Variants in ASPSCR1 observed in about 807,000 individuals in gnomAD.
ASPSCR1 encodes tether containing UBX domain for GLUT4.
ASPSCR1 carries 55 observed loss-of-function variants against 68.9 expected under a neutral mutation model. The observed-to-expected ratio is 0.80, with a 90% CI of 0.64 to 1.00. The LOEUF (loss-of-function observed/expected upper bound fraction) is 1.00, where lower values mean the gene tolerates loss of function less well. Among genes scored for constraint, ASPSCR1 ranks in the 50% least tolerant of loss-of-function variants. The pLI is 0.00. For missense variants in ASPSCR1, 765 were observed against 762.2 expected (o/e 1.00, Z -0.04); for synonymous variants, 352 against 332.6 (o/e 1.06, Z -0.63).
At position 81,987,691 on chromosome 17, in the gene ASPSCR1, A is replaced by G. The variant is rs762569501; in HGVS notation, c.374+2084A>G. Among the ~76,000 whole-genome samples, 30 of 152,128 alleles carry G rather than the reference A, an allele frequency of 2.0e-4. No homozygotes were observed. The highest frequency in any genetic ancestry group is 2.6e-4 in the Non-Finnish European group (18 of 68,032). ...TCGTGTGAAACTTAGTTTAAGAAACAACAGGCTTGGCCAGGCGTGGTGGTT... is the reference window on the plus strand; with the variant it reads ...TCGTGTGAAACTTAGTTTAAGAAACGACAGGCTTGGCCAGGCGTGGTGGTT... On this transcript the variant is annotated intron_variant, in intron 4 of 15. Transcript: ENST00000306739. This position sits in a 1 kb window ranked among gnomAD's most constrained non-coding sequence, Gnocchi z 5.6.
chr17:81,994,191 G>A (rs1243152527), intron 4 of ASPSCR1, among the ~76,000 whole-genome samples: 1 of 152,244 alleles, frequency 6.6e-6, no homozygotes, highest in Non-Finnish European at 1.5e-5. Context: ...ACCCATGCAC[G>A]GGTCCAGCTG....
chr17:81,977,686 G>A lies in ASPSCR1; in HGVS notation c.40G>A (p.Val14Met). Residue 14 changes from valine (V) to methionine (M), a missense_variant, in exon 1 of 16, where the codon GTG becomes ATG. Transcript: ENST00000306739. This position sits in a 1 kb window ranked among gnomAD's most constrained non-coding sequence, Gnocchi z 5.0. ...AGGCGGCGGAGGCTCCGCGGTGTCGGTGCTGGCCCCGAACGGCCGGCGCCA... is the reference window on the plus strand; with the variant it reads ...AGGCGGCGGAGGCTCCGCGGTGTCGATGCTGGCCCCGAACGGCCGGCGCCA... The part of the protein sequence containing the change: ...PAGGGGSAVS[V>M]LAPNGRRHTV... 1 of 1,384,772 alleles carries A rather than the reference G, an allele frequency of 7.2e-7. No homozygotes were observed. The highest frequency in any genetic ancestry group is 9.4e-7 in the Non-Finnish European group (1 of 1,063,222). 85.8% of individuals were successfully genotyped at this position (1,384,772 alleles called of 1,614,324 possible).
At chr17:82,003,881 G>A (rs2042618626) in intron 7 of ASPSCR1, among the ~76,000 whole-genome samples, 1 of 152,236 alleles carries the variant, frequency 6.6e-6, no homozygotes, top group Admixed American at 6.5e-5. Context: ...GGGAGGTTTG[G>A]CCCGTGTCTG....
chr17:82,011,521 A>G, intron 10 of ASPSCR1, 22 bp from the exon 11 acceptor site: 2 of 1,571,676 alleles, frequency 1.3e-6, no homozygotes, highest in African/African-American at 1.4e-5. Flanking sequence ...AGCTGTCTGT[A>G]TGTTCTTTTT....
chr17:82,015,589 G>A, intron 12 of ASPSCR1: 1 of 602,262 alleles, frequency 1.7e-6, no homozygotes, highest in Non-Finnish European at 2.9e-6. Flanking sequence ...TCGCCCGGCA[G>A]CAGGTGGGAT....
chr17:81,991,854 C>T (rs1475869583), intron 4 of ASPSCR1, among the ~76,000 whole-genome samples: 5 of 152,266 alleles, frequency 3.3e-5, no homozygotes, highest in African/African-American at 1.2e-4. Flanking sequence ...CTTTGTCATA[C>T]CCAGACAGGA....
chr17:81,997,253 G>A (rs1422446535), intron 7 of ASPSCR1, among the ~76,000 whole-genome samples: 3 of 152,100 alleles, frequency 2.0e-5, no homozygotes, highest in African/African-American at 7.2e-5. Flanking sequence ...AGCAGCTCAG[G>A]GCATGGCCGT....
Position 82,009,398 on chromosome 17 carries a change from C to T in ASPSCR1, c.1089-88C>T, listed in dbSNP as rs573153822. 3.5e-3 allele frequency: 4,951 copies of T among 1,419,156 alleles called. 8 individuals are homozygous for T. The highest frequency in any genetic ancestry group is 4.1e-3 in the Non-Finnish European group (4,371 of 1,053,396). 87.9% of individuals were successfully genotyped at this position (1,419,156 alleles called of 1,614,324 possible). On this transcript the variant is annotated intron_variant, in intron 8 of 15. Transcript: ENST00000306739. ...TGTGGGGAGAGCAGCCCACTCCCAC[C>T]CTGGAGGGTGCAGGTGAGGAGCCCG... is the stretch of plus-strand genomic sequence containing the variant.
intron 7 of ASPSCR1, chr17:82,007,455 G>C (rs2042757794): frequency 6.6e-6 from 1 of 152,300 alleles, no homozygotes; most frequent in African/African-American, 2.4e-5. Context: ...CCCTGGTGTG[G>C]GCTGTGGGCC....
chr17:81,981,912 C>T (rs1369131778), intron 2 of ASPSCR1, among the ~76,000 whole-genome samples: 4 of 152,172 alleles, frequency 2.6e-5, no homozygotes, highest in East Asian at 1.9e-4. Context: ...GTGATCCGCC[C>T]GTCTTGGCCT....
chr17:81,978,125 T>G, intron 1 of ASPSCR1: 1 of 159,094 alleles, frequency 6.3e-6, no homozygotes, highest in Non-Finnish European at 1.4e-5. Context: ...GGAGCCCGGG[T>G]TGCGCGGTGG....
At chr17:82,001,314 G>A (rs922239974) in intron 7 of ASPSCR1, among the ~76,000 whole-genome samples, 1 of 152,164 alleles carries the variant, frequency 6.6e-6, no homozygotes, top group Non-Finnish European at 1.5e-5. Flanking sequence ...CTAGACAGGA[G>A]CCCCCACATC....
chr17:82,012,110 G>A (rs772181461), intron 11 of ASPSCR1, 121 bp from the exon 12 acceptor site: 48 of 1,199,450 alleles, frequency 4.0e-5, no homozygotes, highest in Non-Finnish European at 5.4e-5. Context: ...GGGCGTGCTC[G>A]TGAGGGGCTC....
Position 81,996,501 on chromosome 17 carries a change from C to G in ASPSCR1, c.588C>G (p.Ala196=), listed in dbSNP as rs1459360351. The G allele has an allele frequency of 1.2e-6, 2 of 1,612,248 alleles. No individual in the cohort carries two copies. Among genetic ancestry groups the G allele is most frequent in the South Asian group, 2.2e-5 (2 of 91,046 alleles). Residue 196 remains alanine, a synonymous_variant, in exon 7 of 16, where the codon GCC becomes GCG. Transcript: ENST00000306739. ...GSSASAGQAA[A]SAPLPLESGE... is the part of the protein sequence containing the mutation. ...CAGCGTCGGCTGGCCAGGCAGCCGC[C>G]AGCGCTCCACTTCCCTTGGAATCTG...
chr17:82,016,547 G>A lies in ASPSCR1; in HGVS notation c.1405+20G>A. The A allele has an allele frequency of 1.3e-6, 2 of 1,549,218 alleles. No homozygotes were observed. The highest frequency in any genetic ancestry group is 3.9e-4 in the Middle Eastern group (2 of 5,128). On this transcript the variant is annotated intron_variant, in intron 13 of 15. Transcript: ENST00000306739. Reference sequence around the variant, plus strand: ...CGGCAGGTGAGTGTCAGTGGTTGGGGCCAGTGTCGGAGTCCAGCCAGCCTG... The same window carrying A: ...CGGCAGGTGAGTGTCAGTGGTTGGGACCAGTGTCGGAGTCCAGCCAGCCTG...
chr17:81,982,047 C>CA (rs2086121140), intron 2 of ASPSCR1, among the ~76,000 whole-genome samples: 2 of 152,320 alleles, frequency 1.3e-5, no homozygotes, highest in South Asian at 4.1e-4. Context: ...TGGCACACTG[C>CA]AACCTCCGCC....
chr17:81,999,642 AAAG>A lies in ASPSCR1; in HGVS notation c.933+2799_933+2801del, dbSNP rs930276163. ...ACTCCATCTCAAAAAAAAAAAAAAA[AAAG>A]AAAACAAGAAGTGGCCAGGAGGGCT... is the stretch of plus-strand genomic sequence containing the variant. On this transcript the variant is annotated intron_variant, in intron 7 of 15. Coordinates refer to ENST00000306739, the MANE Select transcript of ASPSCR1 (RefSeq NM_024083.4). The surrounding 1 kb of genome is among the most constrained non-coding windows in gnomAD (Gnocchi z 4.4). Among the ~76,000 whole-genome samples, 6 of 151,770 alleles carry A rather than the reference AAAG, an allele frequency of 4.0e-5. No individual in the cohort carries two copies. Among genetic ancestry groups the A allele is most frequent in the Non-Finnish European group, 5.9e-5 (4 of 67,912 alleles).
chr17:82,011,717 A>T, intron 11 of ASPSCR1, 112 bp downstream of exon 11: 1 of 1,206,582 alleles, frequency 8.3e-7, no homozygotes, highest in Non-Finnish European at 1.2e-6. Flanking sequence ...CAGGAGCAGC[A>T]TCTGTGGCCT....
At chr17:81,993,607 T>C (rs560254990) in intron 4 of ASPSCR1, among the ~76,000 whole-genome samples, 1 of 152,298 alleles carries the variant, frequency 6.6e-6, no homozygotes, top group South Asian at 2.1e-4. Flanking sequence ...CACAGGTGGG[T>C]TCAGGCGGAG....
Sources: allele counts gnomAD v4.1 joint callset (sites outside exome capture counted in the v4.1 genomes callset), GRCh38; gene constraint gnomAD v4.1.1; non-coding constraint Gnocchi (gnomAD v3.1); transcripts MANE v1.5; gene names NCBI Gene and HGNC (gene_info 2026-07-23, HGNC 2026-07-21).